Variants in LRRTM4 observed in about 807,000 individuals in gnomAD.
LRRTM4 encodes leucine rich repeat transmembrane neuronal 4.
A neutral mutation model predicts 47.6 loss-of-function variants in LRRTM4; 25 were observed. The observed-to-expected ratio is 0.53, with a 90% CI of 0.38 to 0.73. The LOEUF is 0.73. Ranked by LOEUF, LRRTM4 falls within the 30% of genes least tolerant of loss-of-function variation. The probability of loss-of-function intolerance (pLI) is 0.00; values close to 1 mark genes in which losing one functional copy is unlikely to be tolerated. For missense variants in LRRTM4, 638 were observed against 713.4 expected (o/e 0.89, Z 1.20); for synonymous variants, 311 against 269.5 (o/e 1.15, Z -1.51).
intron 3 of LRRTM4, among the ~76,000 whole-genome samples, chr2:77,223,111 A>T (rs890895412): frequency 1.6e-4 from 25 of 152,216 alleles, no homozygotes; most frequent in Admixed American, 1.6e-3. Flanking sequence ...AAAAAACCAC[A>T]CAATTATACC....
intron 3 of LRRTM4, among the ~76,000 whole-genome samples, chr2:77,193,493 GCT>G (rs1436401741): frequency 3.3e-5 from 5 of 151,200 alleles, no homozygotes; most frequent in African/African-American, 1.2e-4. Context: ...GATATGCCTT[GCT>G]CTTTTTTTTT....
chr2:77,049,797 T>C (rs1679367628), intron 3 of LRRTM4, among the ~76,000 whole-genome samples: 1 of 152,078 alleles, frequency 6.6e-6, no homozygotes, highest in Admixed American at 6.6e-5. Context: ...TAGTTTGATA[T>C]AATCCCACTC....
At chr2:76,889,333 C>T (rs547359986) in intron 3 of LRRTM4, among the ~76,000 whole-genome samples, 3 of 152,084 alleles carry the variant, frequency 2.0e-5, no homozygotes, top group Middle Eastern at 6.8e-3. Flanking sequence ...GTGAGTTACA[C>T]ATATTTTTAT....
At position 77,403,952 on chromosome 2, in the gene LRRTM4, T is replaced by A. The variant is rs201505945; in HGVS notation, c.1551+114366A>T. Reference sequence around the variant, plus strand: ...TCACTAAATGGAAGAAAAATATATATGACCATTTAAAGAATCATTTAAAAA... The same window carrying A: ...TCACTAAATGGAAGAAAAATATATAAGACCATTTAAAGAATCATTTAAAAA... On this transcript the variant is annotated intron_variant, in intron 3 of 3. Coordinates refer to ENST00000409884, the MANE Select transcript of LRRTM4 (RefSeq NM_001134745.3). Among the ~76,000 whole-genome samples, 6 of 151,856 alleles carry A rather than the reference T, an allele frequency of 4.0e-5. No homozygotes were observed. The East Asian group carries it at 1.2e-3, about 29-fold the overall frequency.
intron 3 of LRRTM4, among the ~76,000 whole-genome samples, chr2:77,123,814 A>T (rs1671582998): frequency 6.6e-6 from 1 of 152,120 alleles, no homozygotes; most frequent in South Asian, 2.1e-4. Context: ...ATAACTACAC[A>T]AACATAAGGC....
At chr2:77,162,710 G>C (rs1038267024) in intron 3 of LRRTM4, among the ~76,000 whole-genome samples, 2 of 152,080 alleles carry the variant, frequency 1.3e-5, no homozygotes, top group African/African-American at 2.4e-5. Flanking sequence ...AGGCAAACAG[G>C]GTCTGGAGTG....
chr2:76,917,765 C>G (rs902917979), intron 3 of LRRTM4, among the ~76,000 whole-genome samples: 1 of 152,142 alleles, frequency 6.6e-6, no homozygotes, highest in Non-Finnish European at 1.5e-5. Context: ...CCTCCCCACT[C>G]TTTTGTCCCT....
intron 3 of LRRTM4, among the ~76,000 whole-genome samples, chr2:77,007,574 C>T (rs1295009378): frequency 6.6e-6 from 1 of 152,116 alleles, no homozygotes; most frequent in Non-Finnish European, 1.5e-5. Flanking sequence ...TGCCATAGTG[C>T]TTTTGCTGTC....
At chr2:77,138,082 C>A (rs966071922) in intron 3 of LRRTM4, among the ~76,000 whole-genome samples, 5 of 152,134 alleles carry the variant, frequency 3.3e-5, no homozygotes, top group African/African-American at 9.7e-5. Flanking sequence ...AGAAAGTTAA[C>A]AAGGATATCC....
chr2:77,220,789 T>C (rs1444884945), intron 3 of LRRTM4, among the ~76,000 whole-genome samples: 2 of 152,182 alleles, frequency 1.3e-5, no homozygotes, highest in African/African-American at 4.8e-5. Flanking sequence ...CTGCAGGATA[T>C]TATCCAAGAG....
chr2:77,015,825 G>A (rs139946163), intron 3 of LRRTM4, among the ~76,000 whole-genome samples: 91 of 152,106 alleles, frequency 6.0e-4, no homozygotes, highest in African/African-American at 2.0e-3. Flanking sequence ...ATTTCTGGAG[G>A]ATAAGAGAAC....
chr2:77,447,744 G>A (rs952133681), intron 3 of LRRTM4, among the ~76,000 whole-genome samples: 1 of 151,968 alleles, frequency 6.6e-6, no homozygotes, highest in Admixed American at 6.6e-5. Flanking sequence ...TTTCCCCCAA[G>A]CCCTGTGAAT....
At chr2:77,345,687 T>C (rs116463373) in intron 3 of LRRTM4, among the ~76,000 whole-genome samples, 2,374 of 152,080 alleles carry the variant, frequency 0.016, 65 homozygotes, top group African/African-American at 0.054. Flanking sequence ...GCAACCCTCA[T>C]GCATTGCAGG....
chr2:77,099,427 G>T (rs1220029065), intron 3 of LRRTM4, among the ~76,000 whole-genome samples: 1 of 151,734 alleles, frequency 6.6e-6, no homozygotes, highest in African/African-American at 2.4e-5. Flanking sequence ...TATTATACAT[G>T]GTTTAAGGAG....
chr2:77,126,996 G>A (rs1369963501), intron 3 of LRRTM4, among the ~76,000 whole-genome samples: 2 of 152,040 alleles, frequency 1.3e-5, no homozygotes, highest in African/African-American at 4.8e-5. Flanking sequence ...GCTTTGGGAA[G>A]GTTGCTATAC....
chr2:77,385,873 G>T (rs1047007499), intron 3 of LRRTM4, among the ~76,000 whole-genome samples: 1 of 148,398 alleles, frequency 6.7e-6, no homozygotes, highest in Non-Finnish European at 1.5e-5. Context: ...CCAGCCTCCC[G>T]ACTAGCTGGG....
In LRRTM4 at chr2:77,483,118, CAAAAAAAAAAAAAA is replaced by C. The variant is rs776265725; in HGVS notation, c.1551+35186_1551+35199del. On this transcript the variant is annotated intron_variant, in intron 3 of 3. Transcript: ENST00000409884. Reference sequence around the variant, plus strand: ...CCTAGGAGGCAGAGCAAGACTGTCTCAAAAAAAAAAAAAAAAAAAAAAAAAAAAAAAAAAAATTC... The same window carrying C: ...CCTAGGAGGCAGAGCAAGACTGTCTCAAAAAAAAAAAAAAAAAAAAAATTC... Among the ~76,000 whole-genome samples the C allele has an allele frequency of 2.8e-3, 171 of 60,586 alleles. 4 individuals carry two copies. The East Asian group carries it at 0.077, about 27-fold the overall frequency. 39.7% of individuals were successfully genotyped at this position (60,586 alleles called of 152,430 possible). A position where few individuals can be genotyped will look rare whatever the true frequency, so the allele number is the denominator to read the frequency against.
chr2:77,222,884 G>A (rs1465575922), intron 3 of LRRTM4, among the ~76,000 whole-genome samples: 3 of 152,108 alleles, frequency 2.0e-5, no homozygotes, highest in African/African-American at 7.2e-5. Context: ...TGATACCAAA[G>A]CCTGGCAGAG....
At chr2:77,143,085 T>G (rs2103766415) in intron 3 of LRRTM4, among the ~76,000 whole-genome samples, 1 of 152,330 alleles carries the variant, frequency 6.6e-6, no homozygotes, top group Admixed American at 6.5e-5. Context: ...AATGCTTATC[T>G]GTATTATGGA....
Sources: gnomAD v4.1 joint callset for allele counts (sites outside exome capture counted in the v4.1 genomes callset) on GRCh38, gnomAD v4.1.1 for gene constraint, MANE v1.5 for transcripts, NCBI Gene and HGNC (gene_info 2026-07-23, HGNC 2026-07-21) for gene names.